GRHL2: variants seen among roughly 807,000 people sequenced by gnomAD.
The protein encoded by GRHL2 is grainyhead like transcription factor 2.
In GRHL2, 21 loss-of-function variants were observed where a neutral mutation model predicts 83.8. That is an observed-to-expected ratio of 0.25 (90% CI 0.18 to 0.36). GRHL2 has a LOEUF of 0.36. Among genes scored for constraint, GRHL2 ranks in the 10% least tolerant of loss-of-function variants. GRHL2 has a pLI of 1.00. For missense variants in GRHL2, 623 were observed against 781.8 expected, an observed-to-expected ratio of 0.80 and a Z score of 2.42; for synonymous variants, 280 against 278.9, an observed-to-expected ratio of 1.00 and a Z score of -0.04.
intron 9 of GRHL2, among the ~76,000 whole-genome samples, chr8:101,623,828 G>GACAGTACACAGTAGGACAGTTT (rs139538076): frequency 0.39 from 47,729 of 123,956 alleles, 13,977 homozygotes; most frequent in Non-Finnish European, 0.54. Context: ...TACACAGTAG[G>GACAGTACACAGTAGGACAGTTT]ACAGTACACA....
the GRHL2 span, among the ~76,000 whole-genome samples, chr8:101,681,017 C>T: frequency 8.6e-6 from 1 of 116,680 alleles, no homozygotes; most frequent in Non-Finnish European, 1.8e-5. Flanking sequence ...ATTAAAAGAA[C>T]TAGAAAAGCA....
chr8:101,608,751 A>T lies in GRHL2; in HGVS notation c.1098+9600A>T, dbSNP rs867035395. On this transcript the variant is annotated intron_variant, in intron 8 of 15. Transcript: ENST00000646743. The stretch of plus-strand genomic sequence containing the variant: ...CTCACTCTCTCACACACACACACAC[A>T]CACACACACACACACACACACACAC... Among the ~76,000 whole-genome samples the T allele has an allele frequency of 8.8e-3, 1,239 of 141,338 alleles. 85 individuals are homozygous for T. The highest frequency in any genetic ancestry group is 0.027 in the African/African-American group (900 of 33,612). 92.7% of individuals were successfully genotyped at this position (141,338 alleles called of 152,430 possible). A position where few individuals can be genotyped will look rare whatever the true frequency, so the allele number is the denominator to read the frequency against.
chr8:101,533,754 A>T (rs1810986324), intron 1 of GRHL2, among the ~76,000 whole-genome samples: 1 of 152,144 alleles, frequency 6.6e-6, no homozygotes, highest in African/African-American at 2.4e-5. Context: ...AGCTTAAAGG[A>T]GATGAGAGAG....
intron 6 of GRHL2, among the ~76,000 whole-genome samples, chr8:101,574,377 C>G (rs1005713302): frequency 1.3e-5 from 2 of 152,214 alleles, no homozygotes; most frequent in Non-Finnish European, 2.9e-5. Flanking sequence ...GAAACTGGCT[C>G]TCCCTTCTCT....
chr8:101,605,157 T>C (rs1247360010), intron 8 of GRHL2, among the ~76,000 whole-genome samples: 1 of 152,208 alleles, frequency 6.6e-6, no homozygotes, highest in East Asian at 1.9e-4. Context: ...TTTTTATCTC[T>C]GTTAACAAAT....
rs1348772771 is a variant in GRHL2 at position 101,492,677 on chromosome 8, C to G, written c.-93C>G. On this transcript the variant is annotated 5_prime_UTR_variant, in exon 1 of 16. Transcript: ENST00000646743. The stretch of plus-strand genomic sequence containing the variant: ...AGCTCTTGTTCTGCCATCTCGGGCG[C>G]TCTCACACACCTTCACCTGCACAGA... The G allele has an allele frequency of 9.3e-7, 1 of 1,074,398 alleles. No individual in the cohort carries two copies. The highest frequency in any genetic ancestry group is 2.3e-5 in the East Asian group (1 of 42,588). The allele number at this position is 1,074,398 out of a possible 1,614,324, so 66.6% of individuals were successfully genotyped here. A position where few individuals can be genotyped will look rare whatever the true frequency, so the allele number is the denominator to read the frequency against.
In GRHL2 at chr8:101,599,053, A is replaced by G; in HGVS notation, c.1004-4A>G. On this transcript the variant is annotated splice_region_variant and splice_polypyrimidine_tract_variant and intron_variant, in intron 7 of 15. Coordinates refer to ENST00000646743, the MANE Select transcript of GRHL2 (RefSeq NM_024915.4). Reference sequence around the variant, plus strand: ...AAAAGCTTGTTCTTTTTTTAATGTTACAGCCGATTACAAGGAGAGCTTTAA... The same window carrying G: ...AAAAGCTTGTTCTTTTTTTAATGTTGCAGCCGATTACAAGGAGAGCTTTAA... 6.2e-7 allele frequency: 1 copy of G among 1,602,782 alleles called. No individual in the cohort carries two copies.
intron 1 of GRHL2, among the ~76,000 whole-genome samples, chr8:101,501,545 A>G (rs1174613498): frequency 2.0e-5 from 3 of 152,198 alleles, no homozygotes; most frequent in African/African-American, 7.2e-5. Context: ...AAACTGCTTA[A>G]CTACTGTTAA....
intron 1 of GRHL2, among the ~76,000 whole-genome samples, chr8:101,539,164 A>G (rs1811102077): frequency 6.6e-6 from 1 of 152,180 alleles, no homozygotes; most frequent in Non-Finnish European, 1.5e-5. Context: ...CTGATCCTTC[A>G]GCTTGGTGCT....
intron 14 of GRHL2, among the ~76,000 whole-genome samples, chr8:101,649,841 A>C (rs372668464): frequency 1.2e-4 from 19 of 152,300 alleles, no homozygotes; most frequent in East Asian, 5.8e-4. Flanking sequence ...ACAATTAACA[A>C]GTGTTTCACT....
intron 1 of GRHL2, 96 bp downstream of exon 1, chr8:101,492,885 G>C: frequency 8.8e-7 from 1 of 1,135,360 alleles, no homozygotes; most frequent in Non-Finnish European, 1.3e-6. Context: ...TGCTATTGTT[G>C]GTATTTTTCT....
intron 12 of GRHL2, among the ~76,000 whole-genome samples, chr8:101,639,539 A>G (rs35477966): frequency 0.12 from 17,661 of 152,218 alleles, 2,212 homozygotes; most frequent in African/African-American, 0.32. Context: ...CCTGGGTTTC[A>G]CTGCATTTCC....
At chr8:101,647,670 A>T (rs1813539064) in intron 13 of GRHL2, among the ~76,000 whole-genome samples, 2 of 152,160 alleles carry the variant, frequency 1.3e-5, no homozygotes, top group Admixed American at 6.5e-5. Flanking sequence ...CATTCTATTT[A>T]TTTAATTGGT....
intron 1 of GRHL2, among the ~76,000 whole-genome samples, chr8:101,539,414 C>T (rs747999072): frequency 6.6e-6 from 1 of 152,120 alleles, no homozygotes; most frequent in Non-Finnish European, 1.5e-5. Context: ...TTTTACTCTC[C>T]AAGTGGAGGC....
At chr8:101,529,596 C>T in intron 1 of GRHL2, 1 of 221,668 alleles carries the variant, frequency 4.5e-6, no homozygotes, top group Non-Finnish European at 9.5e-6. Context: ...CAGTAGGCCC[C>T]CACCCACTGC....
chr8:101,507,026 C>T (rs1810354799), intron 1 of GRHL2, among the ~76,000 whole-genome samples: 1 of 152,136 alleles, frequency 6.6e-6, no homozygotes, highest in South Asian at 2.1e-4. Context: ...GCTGTGCTCC[C>T]CTCTGGCGTC....
chr8:101,648,000 G>A (rs1225473417), intron 13 of GRHL2, among the ~76,000 whole-genome samples: 1 of 152,164 alleles, frequency 6.6e-6, no homozygotes, highest in Non-Finnish European at 1.5e-5. Flanking sequence ...AGAGTTGGCA[G>A]GGTTTTTTGC....
the GRHL2 span, among the ~76,000 whole-genome samples, chr8:101,676,744 A>C: frequency 6.6e-6 from 1 of 152,202 alleles, no homozygotes; most frequent in Non-Finnish European, 1.5e-5. Context: ...TCATGCTGCT[A>C]TAAAGATACA....
intron 1 of GRHL2, among the ~76,000 whole-genome samples, chr8:101,499,222 CT>C (rs1020486933): frequency 9.2e-5 from 14 of 152,304 alleles, no homozygotes; most frequent in South Asian, 2.1e-4. Context: ...GTTAAATTTA[CT>C]TTTTAAAAAG....
Sources: allele counts gnomAD v4.1 joint callset (sites outside exome capture counted in the v4.1 genomes callset), GRCh38; gene constraint gnomAD v4.1.1; transcripts MANE v1.5; gene names NCBI Gene and HGNC (gene_info 2026-07-23, HGNC 2026-07-21).